The following SLC24A2 variants were observed in gnomAD, a reference collection of about 807,000 sequenced individuals.
SLC24A2 encodes sodium/potassium/calcium exchanger 2.
In SLC24A2, 36 loss-of-function variants were observed where a neutral mutation model predicts 62.0. That is an observed-to-expected ratio of 0.58 (90% CI 0.44 to 0.77). The LOEUF is 0.77. Ranked by LOEUF, SLC24A2 falls within the 30% of genes least tolerant of loss-of-function variation. SLC24A2 has a pLI of 0.00. For missense variants in SLC24A2, 846 were observed against 817.9 expected, an observed-to-expected ratio of 1.03 and a Z score of -0.42; for synonymous variants, 358 against 294.0, an observed-to-expected ratio of 1.22 and a Z score of -2.23.
intron 5 of SLC24A2, among the ~76,000 whole-genome samples, chr9:19,592,175 C>T (rs1836571589): frequency 6.6e-6 from 1 of 152,130 alleles, no homozygotes; most frequent in Non-Finnish European, 1.5e-5. Context: ...TTTAGGACCC[C>T]ATGATTCATG....
the SLC24A2 span, among the ~76,000 whole-genome samples, chr9:20,162,231 C>A: frequency 5.4e-4 from 82 of 151,592 alleles, no homozygotes; most frequent in African/African-American, 1.9e-3. Flanking sequence ...TAGCAAGACA[C>A]CTCTTAAAAG....
chr9:20,216,333 G>T, the SLC24A2 span, among the ~76,000 whole-genome samples: 1 of 152,176 alleles, frequency 6.6e-6, no homozygotes, highest in Non-Finnish European at 1.5e-5. Flanking sequence ...TCTTCCAAAT[G>T]ACAGTGAGAG....
chr9:19,683,704 T>C (rs1374977242), intron 2 of SLC24A2, among the ~76,000 whole-genome samples: 1 of 152,176 alleles, frequency 6.6e-6, no homozygotes, highest in African/African-American at 2.4e-5. Flanking sequence ...TACCACGTGA[T>C]GAAAATCTAG....
the SLC24A2 span, among the ~76,000 whole-genome samples, chr9:20,205,768 A>G: frequency 1.3e-5 from 2 of 152,190 alleles, no homozygotes; most frequent in African/African-American, 4.8e-5. Flanking sequence ...CATGTTAAAG[A>G]AAACAACTGA....
the SLC24A2 span, among the ~76,000 whole-genome samples, chr9:19,951,337 G>A: frequency 7.9e-5 from 12 of 151,540 alleles, no homozygotes; most frequent in African/African-American, 2.9e-4. Flanking sequence ...CTTTAGAAGA[G>A]GAAAAGTTTT....
At chr9:19,908,730 A>T in the SLC24A2 span, among the ~76,000 whole-genome samples, 1 of 152,240 alleles carries the variant, frequency 6.6e-6, no homozygotes. Context: ...CACATGAAAA[A>T]ATGCTTATCA....
chr9:19,980,705 C>A, the SLC24A2 span, among the ~76,000 whole-genome samples: 1 of 152,106 alleles, frequency 6.6e-6, no homozygotes, highest in Non-Finnish European at 1.5e-5. Context: ...GGTCATCTTA[C>A]CTGCCTCAGA....
At chr9:19,891,380 T>C in the SLC24A2 span, among the ~76,000 whole-genome samples, 1 of 152,210 alleles carries the variant, frequency 6.6e-6, no homozygotes, top group Non-Finnish European at 1.5e-5. Flanking sequence ...TTAGTCTGTT[T>C]TGTGTTGCTA....
chr9:19,820,275 G>C, the SLC24A2 span, among the ~76,000 whole-genome samples: 1 of 149,554 alleles, frequency 6.7e-6, no homozygotes, highest in Non-Finnish European at 1.5e-5. Flanking sequence ...TGGAGTTTGG[G>C]GGTTTGGGGG....
the SLC24A2 span, among the ~76,000 whole-genome samples, chr9:20,029,262 G>A: frequency 9.3e-4 from 141 of 152,330 alleles, no homozygotes; most frequent in African/African-American, 3.2e-3. Context: ...AGCCTTCCAC[G>A]TCCCAGGCAG....
the SLC24A2 span, among the ~76,000 whole-genome samples, chr9:20,199,535 G>C: frequency 6.6e-6 from 1 of 152,062 alleles, no homozygotes; most frequent in South Asian, 2.1e-4. Context: ...AATCCTTTTA[G>C]AGTGGGAGAA....
intron 8 of SLC24A2, among the ~76,000 whole-genome samples, chr9:19,542,647 G>C (rs1212871898): frequency 2.6e-5 from 4 of 152,130 alleles, no homozygotes. Context: ...TAGGATGAAG[G>C]GTGTTGAATT....
chr9:19,665,787 G>A (rs1819235094), intron 2 of SLC24A2, among the ~76,000 whole-genome samples: 1 of 152,050 alleles, frequency 6.6e-6, no homozygotes, highest in African/African-American at 2.4e-5. Flanking sequence ...GTTAATTTGT[G>A]TGTGTGTGTA....
chr9:20,179,898 A>G, the SLC24A2 span, among the ~76,000 whole-genome samples: 1 of 152,198 alleles, frequency 6.6e-6, no homozygotes, highest in East Asian at 1.9e-4. Flanking sequence ...GGAGTTTGGC[A>G]CACTTATGAC....
At chr9:20,108,435 C>G in the SLC24A2 span, among the ~76,000 whole-genome samples, 2 of 152,144 alleles carry the variant, frequency 1.3e-5, no homozygotes, top group African/African-American at 4.8e-5. Context: ...ATAGCAAAGA[C>G]TTGGAACCAA....
intron 4 of SLC24A2, among the ~76,000 whole-genome samples, chr9:19,616,164 C>A (rs908471289): frequency 2.0e-5 from 3 of 151,908 alleles, no homozygotes; most frequent in Admixed American, 6.6e-5. Flanking sequence ...TTTTTTTTCA[C>A]CTTAATCTTT....
intron 4 of SLC24A2, among the ~76,000 whole-genome samples, chr9:19,617,267 G>A (rs181404209): frequency 6.6e-6 from 1 of 152,270 alleles, no homozygotes; most frequent in Admixed American, 6.5e-5. Context: ...GATTTGAGAG[G>A]AGGGGGAGCT....
intron 2 of SLC24A2, among the ~76,000 whole-genome samples, chr9:19,720,748 A>G (rs1821001524): frequency 7.3e-6 from 1 of 137,774 alleles, no homozygotes; most frequent in African/African-American, 2.6e-5. Context: ...TGTATTTCTG[A>G]CTCATCTCAA....
chr9:20,048,295 C>T, the SLC24A2 span, among the ~76,000 whole-genome samples: 2 of 152,164 alleles, frequency 1.3e-5, no homozygotes, highest in Non-Finnish European at 2.9e-5. Context: ...TAGTTTATCT[C>T]TTTTCAATAT....
Sources: allele counts gnomAD v4.1 joint callset (sites outside exome capture counted in the v4.1 genomes callset), GRCh38; gene constraint gnomAD v4.1.1; transcripts MANE v1.5; gene names NCBI Gene and HGNC (gene_info 2026-07-23, HGNC 2026-07-21).